Variants in OR2M5 observed in about 807,000 individuals in gnomAD.
The protein encoded by OR2M5 is olfactory receptor 2M5.
For synonymous variants in OR2M5, 164 were observed against 139.6 expected (o/e 1.18, Z -1.23); for missense variants, 413 against 389.3 (o/e 1.06, Z -0.51).
In OR2M5 at chr1:248,145,481, T is replaced by A. The variant is rs140701631; in HGVS notation, c.334T>A (p.Cys112Ser). 6,360 of 1,614,062 alleles carry A rather than the reference T, an allele frequency of 3.9e-3. 365 individuals carry two copies. In the Admixed American group the frequency reaches 0.1, roughly 25 times the overall value. ...FFYVSLLGSECFLLAVMSYDR... is the reference protein window; with the variant it reads ...FFYVSLLGSESFLLAVMSYDR... ...CTATGTATCACTGCTTGGCTCCGAA[T>A]GCTTTCTGTTGGCTGTTATGTCTTA... The change falls in exon 1 of 1, where the codon TGC (cysteine) becomes AGC (serine). Residue 112 changes from cysteine to serine, a missense_variant. By Grantham distance (112) the Cys-to-Ser change is moderately radical (BLOSUM62 -1). Transcript: ENST00000366476.
In OR2M5 at chr1:248,145,193, G is replaced by A. The variant is rs144496213; in HGVS notation, c.46G>A (p.Gly16Arg). ...CTTCAACTCTGACTTCATCCTCCTG[G>A]GAATCTTCAATCACAGCCCCACCCA... Reference protein sequence around the residue: ...QTFNSDFILLGIFNHSPTHTF... With the variant: ...QTFNSDFILLRIFNHSPTHTF... Residue 16 changes from glycine to arginine, a missense_variant, in exon 1 of 1, where the codon GGA becomes AGA. Gly to Arg is a moderately radical substitution (Grantham distance 125). Coordinates refer to ENST00000366476, the MANE Select transcript of OR2M5 (RefSeq NM_001004690.1). The A allele has an allele frequency of 5.7e-4, 926 of 1,613,748 alleles. 7 individuals carry two copies. The African/African-American group carries it at 0.011, about 19-fold the overall frequency.
Position 248,145,784 on chromosome 1 carries a change from A to G in OR2M5, c.637A>G (p.Ile213Val), listed in dbSNP as rs200453101. The change falls in exon 1 of 1, where the codon ATC becomes GTC. Residue 213 changes from isoleucine to valine, a missense_variant. Transcript: ENST00000366476. ...AGTAATGATTGTTTTTCCTGTTGCAATCATCATCGCTTCCTATGCTCGAGT... is the reference window on the plus strand; with the variant it reads ...AGTAATGATTGTTTTTCCTGTTGCAGTCATCATCGCTTCCTATGCTCGAGT... Reference protein sequence around the residue: ...CIVMIVFPVAIIIASYARVIL... With the variant: ...CIVMIVFPVAVIIASYARVIL... The G allele has an allele frequency of 2.8e-5, 45 of 1,613,286 alleles. No individual in the cohort carries two copies. Among genetic ancestry groups the G allele is most frequent in the Non-Finnish European group, 3.6e-5 (43 of 1,179,782 alleles).
In OR2M5 at chr1:248,145,712, T is replaced by G. The variant is rs1374512532; in HGVS notation, c.565T>G (p.Cys189Gly). The change falls in exon 1 of 1, where the codon TGC (cysteine) becomes GGC (glycine). Residue 189 changes from cysteine (C) to glycine (G), a missense_variant. By Grantham distance (159) the Cys-to-Gly change is radical (BLOSUM62 -3). Transcript: ENST00000366476. ...CTTCCCTTCCCTACTAATCCTCTCA[T>G]GCAATGACACATCAATATTTGAAAA... ...CDFPSLLILSCNDTSIFEKVL... is the reference protein window; with the variant it reads ...CDFPSLLILSGNDTSIFEKVL... 6.2e-7 allele frequency: 1 copy of G among 1,613,838 alleles called. No homozygotes were observed. Among genetic ancestry groups the G allele is most frequent in the Non-Finnish European group, 8.5e-7 (1 of 1,179,816 alleles).
rs766652712 is a variant in OR2M5, at chr1:248,145,456, C to T, written c.309C>T (p.Phe103=). Residue 103 remains phenylalanine, a synonymous_variant, in exon 1 of 1, where the codon TTC becomes TTT. Transcript: ENST00000366476. ...SMAGCATQIF[F]YVSLLGSECF... is the part of the protein sequence containing the mutation. Reference sequence around the variant, plus strand: ...CTGGTTGTGCCACACAAATTTTCTTCTATGTATCACTGCTTGGCTCCGAAT... The same window carrying T: ...CTGGTTGTGCCACACAAATTTTCTTTTATGTATCACTGCTTGGCTCCGAAT... The T allele has an allele frequency of 3.2e-5, 52 of 1,613,948 alleles. No individual in the cohort carries two copies. In the African/African-American group the frequency reaches 4.5e-4, roughly 14 times the overall value.
rs757349007 is a variant in OR2M5 at position 248,146,035 on chromosome 1, G to A, written c.888G>A (p.Glu296=). The part of the protein sequence containing the change: ...NPLIYSLRNK[E]VTRALRKVLG... Reference sequence around the variant, plus strand: ...TCATCTACAGCCTCCGCAACAAGGAGGTGACCAGAGCACTCAGGAAAGTGT... The same window carrying A: ...TCATCTACAGCCTCCGCAACAAGGAAGTGACCAGAGCACTCAGGAAAGTGT... The change falls in exon 1 of 1, where the codon GAG becomes GAA. Residue 296 remains glutamate, a synonymous_variant. Transcript: ENST00000366476. 1.5e-5 allele frequency: 24 copies of A among 1,613,598 alleles called. No homozygotes were observed. The highest frequency in any genetic ancestry group is 6.7e-5 in the Admixed American group (4 of 59,916).
Position 248,145,194 on chromosome 1 carries a change from G to C in OR2M5, c.47G>C (p.Gly16Ala), listed in dbSNP as rs775642127. The C allele has an allele frequency of 1.8e-5, 29 of 1,613,672 alleles. No homozygotes were observed. The highest frequency in any genetic ancestry group is 2.3e-5 in the Non-Finnish European group (27 of 1,179,864). Reference protein sequence around the residue: ...QTFNSDFILLGIFNHSPTHTF... With the variant: ...QTFNSDFILLAIFNHSPTHTF... ...TTCAACTCTGACTTCATCCTCCTGG[G>C]AATCTTCAATCACAGCCCCACCCAC... Residue 16 changes from glycine to alanine, a missense_variant, in exon 1 of 1, where the codon GGA becomes GCA. Physicochemically the swap from Gly to Ala is moderately conservative, Grantham distance 60. Transcript: ENST00000366476.
rs754068273 is a variant in OR2M5, at chr1:248,145,850, C to T, written c.703C>T (p.Arg235Cys). The T allele has an allele frequency of 1.1e-4, 183 of 1,613,194 alleles. No homozygotes were observed. The highest frequency in any genetic ancestry group is 1.4e-4 in the Non-Finnish European group (160 of 1,179,824). The change falls in exon 1 of 1, where the codon CGC becomes TGC. Residue 235 changes from arginine (R) to cysteine (C), a missense_variant. Arg to Cys is a radical substitution (Grantham distance 180). Transcript: ENST00000366476. ...TCACATGGGATCTGGAGAGGGTCGTCGCAAAGCTTTTACTACCTGTTCCTC... is the reference window on the plus strand; with the variant it reads ...TCACATGGGATCTGGAGAGGGTCGTTGCAAAGCTTTTACTACCTGTTCCTC... ...VIHMGSGEGR[R>C]KAFTTCSSHL...
rs1398063422 is a variant in OR2M5, at chr1:248,145,802, G to T, written c.655G>T (p.Ala219Ser). 9 of 1,613,114 alleles carry T rather than the reference G, an allele frequency of 5.6e-6. No homozygotes were observed. The highest frequency in any genetic ancestry group is 7.6e-6 in the Non-Finnish European group (9 of 1,179,790). Residue 219 changes from alanine (A) to serine (S), a missense_variant, in exon 1 of 1, where the codon GCT (alanine) becomes TCT (serine). Coordinates refer to ENST00000366476, the MANE Select transcript of OR2M5 (RefSeq NM_001004690.1). ...TGTTGCAATCATCATCGCTTCCTATGCTCGAGTTATTCTGGCTGTCATTCA... is the reference window on the plus strand; with the variant it reads ...TGTTGCAATCATCATCGCTTCCTATTCTCGAGTTATTCTGGCTGTCATTCA... ...FPVAIIIASY[A>S]RVILAVIHMG...
chr1:248,145,886 G>A lies in OR2M5; in HGVS notation c.739G>A (p.Val247Met), dbSNP rs767215624. 1.8e-5 allele frequency: 29 copies of A among 1,613,750 alleles called. 1 individual carries two copies. The highest frequency in any genetic ancestry group is 2.4e-5 in the Non-Finnish European group (28 of 1,179,940). ...AFTTCSSHLMVVGMYYGAGLF... is the reference protein window; with the variant it reads ...AFTTCSSHLMMVGMYYGAGLF... ...TACTACCTGTTCCTCTCACCTCATG[G>A]TGGTGGGAATGTACTATGGAGCAGG... The change falls in exon 1 of 1, where the codon GTG becomes ATG. Residue 247 changes from valine (V) to methionine (M), a missense_variant. Coordinates refer to ENST00000366476, the MANE Select transcript of OR2M5 (RefSeq NM_001004690.1).
At position 248,145,345 on chromosome 1, in the gene OR2M5, G is replaced by C. The variant is rs149081047; in HGVS notation, c.198G>C (p.Leu66=). The C allele has an allele frequency of 1.2e-6, 2 of 1,614,020 alleles. No individual in the cohort carries two copies. The highest frequency in any genetic ancestry group is 1.7e-6 in the Non-Finnish European group (2 of 1,179,994). ...HTPMYFLLSQ[L]FLMDLMLICS... ...CCATGTACTTCCTCCTCAGTCAACT[G>C]TTCCTCATGGACCTCATGCTCATCT... is the stretch of plus-strand genomic sequence containing the variant. The change falls in exon 1 of 1, where the codon CTG becomes CTC. Residue 66 remains leucine (L), a synonymous_variant. Coordinates refer to ENST00000366476, the MANE Select transcript of OR2M5 (RefSeq NM_001004690.1).
In OR2M5 at chr1:248,145,943, C is replaced by T. The variant is rs749039050; in HGVS notation, c.796C>T (p.Arg266Cys). The change falls in exon 1 of 1, where the codon CGC (arginine) becomes TGC (cysteine). Residue 266 changes from arginine to cysteine, a missense_variant. Physicochemically the swap from Arg to Cys is radical, Grantham distance 180. Transcript: ENST00000366476. Reference protein sequence around the residue: ...LFMYIRPTSDRSPMQDKLVSV... With the variant: ...LFMYIRPTSDCSPMQDKLVSV... ...CATGTACATACGGCCCACATCTGAT[C>T]GCTCCCCTATGCAGGACAAGCTGGT... 13 of 1,613,770 alleles carry T rather than the reference C, an allele frequency of 8.1e-6. No homozygotes were observed. Among genetic ancestry groups the T allele is most frequent in the Middle Eastern group, 3.3e-4 (2 of 6,080 alleles).
At position 248,145,618 on chromosome 1, in the gene OR2M5, C is replaced by A. The variant is rs774591467; in HGVS notation, c.471C>A (p.Ile157=). Residue 157 remains isoleucine (I), a synonymous_variant, in exon 1 of 1, where the codon ATC becomes ATA. Transcript: ENST00000366476. ...GGATCCTGGGCTCTATGGATGCAAT[C>A]ATTGATGCTGTAGCGACATTTTCCT... ...FSWILGSMDA[I]IDAVATFSFS... The A allele has an allele frequency of 2.5e-6, 4 of 1,613,762 alleles. No individual in the cohort carries two copies. Among genetic ancestry groups the A allele is most frequent in the East Asian group, 2.2e-5 (1 of 44,876 alleles).
chr1:248,145,460 G>A lies in OR2M5; in HGVS notation c.313G>A (p.Val105Ile), dbSNP rs755452554. 1.2e-6 allele frequency: 2 copies of A among 1,613,954 alleles called. No individual in the cohort carries two copies. Among genetic ancestry groups the A allele is most frequent in the Non-Finnish European group, 1.7e-6 (2 of 1,179,934 alleles). Reference protein sequence around the residue: ...AGCATQIFFYVSLLGSECFLL... With the variant: ...AGCATQIFFYISLLGSECFLL... ...TTGTGCCACACAAATTTTCTTCTAT[G>A]TATCACTGCTTGGCTCCGAATGCTT... is the stretch of plus-strand genomic sequence containing the variant. Residue 105 changes from valine (V) to isoleucine (I), a missense_variant, in exon 1 of 1, where the codon GTA (valine) becomes ATA (isoleucine). Val to Ile is a conservative substitution (Grantham distance 29, BLOSUM62 3). Transcript: ENST00000366476.
rs1339474172 is a variant in OR2M5 at position 248,146,032 on chromosome 1, G to T, written c.885G>T (p.Lys295Asn). The T allele has an allele frequency of 6.2e-7, 1 of 1,613,682 alleles. No homozygotes were observed. ...CCCTCATCTACAGCCTCCGCAACAA[G>T]GAGGTGACCAGAGCACTCAGGAAAG... is the stretch of plus-strand genomic sequence containing the variant. Reference protein sequence around the residue: ...LNPLIYSLRNKEVTRALRKVL... With the variant: ...LNPLIYSLRNNEVTRALRKVL... Residue 295 changes from lysine to asparagine, a missense_variant, in exon 1 of 1, where the codon AAG (lysine) becomes AAT (asparagine). Lys to Asn is a moderately conservative substitution (Grantham distance 94, BLOSUM62 0). Coordinates refer to ENST00000366476, the MANE Select transcript of OR2M5 (RefSeq NM_001004690.1).
Position 248,145,913 on chromosome 1 carries a change from T to A in OR2M5, c.766T>A (p.Leu256Met), listed in dbSNP as rs930675672. The stretch of plus-strand genomic sequence containing the variant: ...GGTGGGAATGTACTATGGAGCAGGT[T>A]TGTTCATGTACATACGGCCCACATC... The part of the protein sequence containing the change: ...MVVGMYYGAG[L>M]FMYIRPTSDR... Residue 256 changes from leucine to methionine, a missense_variant, in exon 1 of 1, where the codon TTG (leucine) becomes ATG (methionine). By Grantham distance (15) the Leu-to-Met change is conservative (BLOSUM62 2). Coordinates refer to ENST00000366476, the MANE Select transcript of OR2M5 (RefSeq NM_001004690.1). 2.5e-6 allele frequency: 4 copies of A among 1,613,930 alleles called. No individual in the cohort carries two copies. The highest frequency in any genetic ancestry group is 3.3e-5 in the Admixed American group (2 of 59,984).
Position 248,145,632 on chromosome 1 carries a change from C to T in OR2M5, c.485C>T (p.Ala162Val), listed in dbSNP as rs77923536. The T allele has an allele frequency of 0.026, 41,686 of 1,613,658 alleles. 590 individuals carry two copies. The highest frequency in any genetic ancestry group is 0.031 in the Non-Finnish European group (36,280 of 1,179,736). ...GSMDAIIDAVATFSFSYCGSR... is the reference protein window; with the variant it reads ...GSMDAIIDAVVTFSFSYCGSR... ...ATGGATGCAATCATTGATGCTGTAG[C>T]GACATTTTCCTTCTCCTACTGTGGG... Residue 162 changes from alanine to valine, a missense_variant, in exon 1 of 1, where the codon GCG (alanine) becomes GTG (valine). Coordinates refer to ENST00000366476, the MANE Select transcript of OR2M5 (RefSeq NM_001004690.1).
chr1:248,145,158 A>G lies in OR2M5; in HGVS notation c.11A>G (p.Glu4Gly), dbSNP rs758311614. 7.4e-6 allele frequency: 12 copies of G among 1,612,354 alleles called. No individual in the cohort carries two copies. In the Admixed American group the frequency reaches 1.0e-4, roughly 13 times the overall value. Residue 4 changes from glutamate (E) to glycine (G), a missense_variant, in exon 1 of 1, where the codon GAG (glutamate) becomes GGG (glycine). Coordinates refer to ENST00000366476, the MANE Select transcript of OR2M5 (RefSeq NM_001004690.1). Reference sequence around the variant, plus strand: ...AAAAACATATTCATCATGGCATGGGAGAATCAGACCTTCAACTCTGACTTC... The same window carrying G: ...AAAAACATATTCATCATGGCATGGGGGAATCAGACCTTCAACTCTGACTTC... MAW[E>G]NQTFNSDFIL...
rs770749916 is a variant in OR2M5, at chr1:248,145,357, C to T, written c.210C>T (p.Asp70=). The T allele has an allele frequency of 5.6e-6, 9 of 1,613,964 alleles. No individual in the cohort carries two copies. The highest frequency in any genetic ancestry group is 1.6e-4 in the Middle Eastern group (1 of 6,080). The change falls in exon 1 of 1, where the codon GAC becomes GAT. Residue 70 remains aspartate (D), a synonymous_variant. Coordinates refer to ENST00000366476, the MANE Select transcript of OR2M5 (RefSeq NM_001004690.1). ...YFLLSQLFLM[D]LMLICSTVPK... is the part of the protein sequence containing the mutation. ...TCCTCAGTCAACTGTTCCTCATGGA[C>T]CTCATGCTCATCTGCTCTACCGTAC... is the stretch of plus-strand genomic sequence containing the variant.
chr1:248,145,461 T>C lies in OR2M5; in HGVS notation c.314T>C (p.Val105Ala), dbSNP rs1018300835. The C allele has an allele frequency of 1.2e-6, 2 of 1,614,086 alleles. No homozygotes were observed. Among genetic ancestry groups the C allele is most frequent in the Non-Finnish European group, 1.7e-6 (2 of 1,179,962 alleles). The change falls in exon 1 of 1, where the codon GTA (valine) becomes GCA (alanine). Residue 105 changes from valine to alanine, a missense_variant. Physicochemically the swap from Val to Ala is moderately conservative, Grantham distance 64. Transcript: ENST00000366476. ...TGTGCCACACAAATTTTCTTCTATG[T>C]ATCACTGCTTGGCTCCGAATGCTTT... ...AGCATQIFFY[V>A]SLLGSECFLL...
Sources: gnomAD v4.1 joint callset for allele counts on GRCh38, gnomAD v4.1.1 for gene constraint, MANE v1.5 for transcripts, NCBI Gene and HGNC (gene_info 2026-07-23, HGNC 2026-07-21) for gene names.